The following HIPK3 variants were observed in gnomAD, a reference collection of about 807,000 sequenced individuals.
HIPK3 encodes the protein homeodomain interacting protein kinase 3.
Under a neutral mutation model 124.2 loss-of-function variants are expected in HIPK3, and 47 were observed. The ratio of observed to expected loss-of-function variants is 0.38; its 90% CI spans 0.30 to 0.48. The LOEUF is 0.48. Among genes scored for constraint, HIPK3 ranks in the 20% least tolerant of loss-of-function variants. The probability of loss-of-function intolerance (pLI) is 0.98; values close to 1 mark genes in which losing one functional copy is unlikely to be tolerated. For synonymous variants in HIPK3, 482 were observed against 515.2 expected (o/e 0.94, Z 0.87); for missense variants, 1,286 against 1,454.3 (o/e 0.88, Z 1.88).
intron 1 of HIPK3, chr11:33,258,754 G>C: frequency 1.0e-6 from 1 of 980,228 alleles, no homozygotes; most frequent in Non-Finnish European, 1.2e-6. Flanking sequence ...TTGCGCTGAA[G>C]AGTGTGTGCG....
intron 2 of HIPK3, among the ~76,000 whole-genome samples, chr11:33,294,941 T>C (rs182448267): frequency 1.3e-5 from 2 of 152,280 alleles, no homozygotes; most frequent in East Asian, 3.9e-4. Flanking sequence ...TGTCCTCTAA[T>C]CTGGTGATAT....
chr11:33,318,131 T>C (rs185706680), intron 2 of HIPK3, among the ~76,000 whole-genome samples: 1 of 152,250 alleles, frequency 6.6e-6, no homozygotes, highest in East Asian at 1.9e-4. Context: ...AAATCAAAGG[T>C]GATAGGTTTA....
chr11:33,341,425 C>A, intron 7 of HIPK3, 138 bp from the exon 8 acceptor site: 3 of 949,708 alleles, frequency 3.2e-6, no homozygotes, highest in Non-Finnish European at 3.0e-6. Flanking sequence ...TTAATTTCGG[C>A]AGCTTGTTTT....
chr11:33,258,550 C>G, intron 1 of HIPK3: 7 of 985,490 alleles, frequency 7.1e-6, no homozygotes, highest in Non-Finnish European at 8.4e-6. Flanking sequence ...GCGTGGCGGC[C>G]GCGCGGCGGG....
chr11:33,334,242 G>T (rs184351223), intron 3 of HIPK3, among the ~76,000 whole-genome samples: 1 of 152,302 alleles, frequency 6.6e-6, no homozygotes, highest in East Asian at 1.9e-4. Context: ...TGTGATGATA[G>T]CACAGAGTAG....
At chr11:33,258,205 G>GGGGCCCCC in intron 1 of HIPK3, 1 of 642,212 alleles carries the variant, frequency 1.6e-6, no homozygotes, top group Non-Finnish European at 1.9e-6. Flanking sequence ...GGGGGCCTCG[G>GGGGCCCCC]CCCCCCCTCC....
intron 8 of HIPK3, among the ~76,000 whole-genome samples, chr11:33,342,636 C>T (rs141994372): frequency 0.011 from 1,671 of 152,038 alleles, 27 homozygotes; most frequent in African/African-American, 0.038. Context: ...CTGCAGCCTC[C>T]GCCTCCCGGG....
chr11:33,298,148 T>G (rs1311732992), intron 2 of HIPK3, among the ~76,000 whole-genome samples: 1 of 152,112 alleles, frequency 6.6e-6, no homozygotes, highest in Non-Finnish European at 1.5e-5. Context: ...TGGCCAATGC[T>G]CACTTACCAT....
chr11:33,347,275 A>G lies in HIPK3; in HGVS notation c.1898-18A>G. ...AGGAAGATTTTTTCTTTTATTTGAT[A>G]ACTATTCTGTTTCACAGGTATTCCT... is the stretch of plus-strand genomic sequence containing the variant. On this transcript the variant is annotated intron_variant, in intron 8 of 16. Transcript: ENST00000303296. 6.3e-7 allele frequency: 1 copy of G among 1,596,122 alleles called. No homozygotes were observed. Among genetic ancestry groups the G allele is most frequent in the Non-Finnish European group, 8.5e-7 (1 of 1,170,444 alleles).
chr11:33,271,317 T>C (rs1484390690), intron 1 of HIPK3, among the ~76,000 whole-genome samples: 1 of 152,216 alleles, frequency 6.6e-6, no homozygotes, highest in African/African-American at 2.4e-5. Flanking sequence ...CTCACGACTG[T>C]AATCTCAGCA....
At position 33,337,099 on chromosome 11, in the gene HIPK3, G is replaced by T; in HGVS notation, c.1246G>T (p.Gly416Cys). The change falls in exon 4 of 17, where the codon GGT (glycine) becomes TGT (cysteine). Residue 416 changes from glycine (G) to cysteine (C), a missense_variant. By Grantham distance (159) the Gly-to-Cys change is radical. Around this residue, in one of 3 missense-constraint regions of HIPK3, gnomAD observed 251 missense variants for 349.1 expected, o/e 0.72. Transcript: ENST00000303296. ...GATTCGATACATTTCTCAGACTCAA[G>T]GTTTGCCAGGAGAACAGTTGTTAAA... ...DQIRYISQTQ[G>C]LPGEQLLNVG... is the part of the protein sequence containing the mutation. The T allele has an allele frequency of 6.2e-7, 1 of 1,601,660 alleles. No homozygotes were observed.
chr11:33,310,872 GGTCT>G (rs1852316070), intron 2 of HIPK3, among the ~76,000 whole-genome samples: 1 of 152,158 alleles, frequency 6.6e-6, no homozygotes, highest in Admixed American at 6.5e-5. Context: ...AAGGGAGACC[GGTCT>G]GTTTCAGTTT....
chr11:33,334,669 AAAAAAATC>A (rs1333708091), intron 3 of HIPK3, among the ~76,000 whole-genome samples: 2 of 152,082 alleles, frequency 1.3e-5, no homozygotes, highest in African/African-American at 4.8e-5. Flanking sequence ...AAAAAATCAC[AAAAAAATC>A]TCATAATGTC....
intron 2 of HIPK3, among the ~76,000 whole-genome samples, chr11:33,292,627 T>C (rs1423592971): frequency 6.6e-6 from 1 of 152,232 alleles, no homozygotes; most frequent in Non-Finnish European, 1.5e-5. Context: ...AAATTGCTGG[T>C]GATTTCTTTT....
rs1387112258 is a variant in HIPK3 at position 33,355,225 on chromosome 11, G to C, written c.*1657G>C. The C allele has an allele frequency of 1.3e-5, 2 of 151,890 alleles. No homozygotes were observed. The highest frequency in any genetic ancestry group is 2.9e-5 in the Non-Finnish European group (2 of 67,876). 9.4% of individuals were successfully genotyped at this position (151,890 alleles called of 1,614,324 possible). A position where few individuals can be genotyped will look rare whatever the true frequency, so the allele number is the denominator to read the frequency against. ...TTTTGATTTTTTACTTTGCTTTTCT[G>C]TTTGGAGTGTCATTGTAACTACTGT... On this transcript the variant is annotated 3_prime_UTR_variant, in exon 17 of 17. Coordinates refer to ENST00000303296, the MANE Select transcript of HIPK3 (RefSeq NM_005734.5).
In HIPK3 at chr11:33,290,263, A is replaced by G. The variant is rs541537499; in HGVS notation, c.1097+2752A>G. 7.2e-5 allele frequency among the ~76,000 whole-genome samples: 11 copies of G among 152,310 alleles called. No individual in the cohort carries two copies. The South Asian group carries it at 1.5e-3, about 20-fold the overall frequency. The stretch of plus-strand genomic sequence containing the variant: ...AATTTTAAATTTGCTGTTGCAGGGT[A>G]GTAGCTCTTGCTTAGTATCACATAA... On this transcript the variant is annotated intron_variant, in intron 2 of 16. Transcript: ENST00000303296.
At chr11:33,275,655 T>C (rs977146967) in intron 1 of HIPK3, among the ~76,000 whole-genome samples, 28 of 152,242 alleles carry the variant, frequency 1.8e-4, no homozygotes, top group Non-Finnish European at 4.4e-5. Flanking sequence ...TTGCATAGAC[T>C]GGCACTATGG....
At chr11:33,308,072 T>C (rs1834459752) in intron 2 of HIPK3, among the ~76,000 whole-genome samples, 1 of 152,186 alleles carries the variant, frequency 6.6e-6, no homozygotes, top group African/African-American at 2.4e-5. Flanking sequence ...CATTTTGATT[T>C]GCCACCCATC....
In HIPK3 at chr11:33,342,056, T is replaced by C. The variant is rs186843167; in HGVS notation, c.1897+370T>C. ...AAGTGGAGGTTGCAGAGAGCCGAGATTGCGCCACTGCGCTCTAGCCTGGGC... is the reference window on the plus strand; with the variant it reads ...AAGTGGAGGTTGCAGAGAGCCGAGACTGCGCCACTGCGCTCTAGCCTGGGC... On this transcript the variant is annotated intron_variant, in intron 8 of 16. Coordinates refer to ENST00000303296, the MANE Select transcript of HIPK3 (RefSeq NM_005734.5). Among the ~76,000 whole-genome samples, 667 of 146,338 alleles carry C rather than the reference T, an allele frequency of 4.6e-3. 1 individual carries two copies. The highest frequency in any genetic ancestry group is 7.6e-3 in the Non-Finnish European group (510 of 67,420).
Sources: gnomAD v4.1 joint callset for allele counts (sites outside exome capture counted in the v4.1 genomes callset) on GRCh38, gnomAD v4.1.1 for gene constraint, gnomAD v4.1.1 regional missense constraint, MANE v1.5 for transcripts, NCBI Gene and HGNC (gene_info 2026-07-23, HGNC 2026-07-21) for gene names.